KIRREL3: variants seen among roughly 807,000 people sequenced by gnomAD.
The protein encoded by KIRREL3 is kin of IRRE-like protein 3.
A neutral mutation model predicts 89.7 loss-of-function variants in KIRREL3; 36 were observed. That is an observed-to-expected ratio of 0.40 (90% CI 0.31 to 0.53). The LOEUF (loss-of-function observed/expected upper bound fraction) is 0.53, where lower values mean the gene tolerates loss of function less well. Among genes scored for constraint, KIRREL3 ranks in the 20% least tolerant of loss-of-function variants. KIRREL3 has a pLI of 0.49. For missense variants in KIRREL3, 864 were observed against 1,056.6 expected (o/e 0.82, Z 2.53); for synonymous variants, 445 against 441.4 (o/e 1.01, Z -0.10).
chr11:126,895,395 G>A (rs548358463), intron 1 of KIRREL3, among the ~76,000 whole-genome samples: 20 of 150,570 alleles, frequency 1.3e-4, no homozygotes, highest in South Asian at 6.3e-4. Context: ...CCCGGGAGGC[G>A]GAGATTCCAC....
chr11:126,710,651 C>T lies in KIRREL3; in HGVS notation c.56-147739G>A, dbSNP rs909911209. Among the ~76,000 whole-genome samples, 4 of 152,170 alleles carry T rather than the reference C, an allele frequency of 2.6e-5. No homozygotes were observed. Among genetic ancestry groups the T allele is most frequent in the African/African-American group, 9.7e-5 (4 of 41,430 alleles). ...TCAGCTGGGGACCCCTCTCATCCCA[C>T]TTGGACTCAGAGTCCCTGGTGCCCC... On this transcript the variant is annotated intron_variant, in intron 1 of 16. Coordinates refer to ENST00000525144, the MANE Select transcript of KIRREL3 (RefSeq NM_032531.4). The surrounding 1 kb of genome is among the most constrained non-coding windows in gnomAD (Gnocchi z 4.2).
rs1000479026 is a variant in KIRREL3 at position 126,663,436 on chromosome 11, C to T, written c.56-100524G>A. Among the ~76,000 whole-genome samples the T allele has an allele frequency of 3.9e-5, 6 of 152,042 alleles. No individual in the cohort carries two copies. In the East Asian group the frequency reaches 7.7e-4, roughly 20 times the overall value. ...TCCTGACCTCGTGATCCGCCTGCCT[C>T]GGCCTCCCAACGTGCTGGGATTACA... On this transcript the variant is annotated intron_variant, in intron 1 of 16. Coordinates refer to ENST00000525144, the MANE Select transcript of KIRREL3 (RefSeq NM_032531.4).
At chr11:126,586,530 C>T (rs1187808996) in intron 1 of KIRREL3, among the ~76,000 whole-genome samples, 4 of 151,904 alleles carry the variant, frequency 2.6e-5, no homozygotes, top group East Asian at 1.9e-4. Context: ...TTAGAGGCAT[C>T]GGTGTTGTTA....
intron 1 of KIRREL3, among the ~76,000 whole-genome samples, chr11:126,580,772 T>C (rs1280219379): frequency 6.6e-6 from 1 of 151,818 alleles, no homozygotes; most frequent in Non-Finnish European, 1.5e-5. Flanking sequence ...CCCTGGACTC[T>C]GTCTGTCTAA....
chr11:126,528,959 A>G lies in KIRREL3; in HGVS notation c.134-2272T>C, dbSNP rs1181087289. On this transcript the variant is annotated intron_variant, in intron 2 of 16. Coordinates refer to ENST00000525144, the MANE Select transcript of KIRREL3 (RefSeq NM_032531.4). The surrounding 1 kb of genome is among the most constrained non-coding windows in gnomAD (Gnocchi z 4.6). The stretch of plus-strand genomic sequence containing the variant: ...TCAAAATCTTTCTTACAAGAAGGAC[A>G]GAGTCAAGGCAGCTGCAGTAACTGC... Among the ~76,000 whole-genome samples, 3 of 152,226 alleles carry G rather than the reference A, an allele frequency of 2.0e-5. No individual in the cohort carries two copies. The highest frequency in any genetic ancestry group is 6.5e-5 in the Admixed American group (1 of 15,286).
In KIRREL3 at chr11:126,817,089, G is replaced by A. The variant is rs1296532856; in HGVS notation, c.55+183366C>T. On this transcript the variant is annotated intron_variant, in intron 1 of 16. Transcript: ENST00000525144. The surrounding 1 kb of genome is among the most constrained non-coding windows in gnomAD (Gnocchi z 5.7). ...GCTTGCAGGGAGAAAAATAACAAAT[G>A]AGGAAAGCCAACACTATTAAAATTA... 6.6e-6 allele frequency among the ~76,000 whole-genome samples: 1 copy of A among 152,132 alleles called. No homozygotes were observed. The highest frequency in any genetic ancestry group is 1.5e-5 in the Non-Finnish European group (1 of 68,020).
rs77658677 is a variant in KIRREL3, at chr11:126,467,063, G to A, written c.592-3756C>T. On this transcript the variant is annotated intron_variant, in intron 5 of 16. Transcript: ENST00000525144. The stretch of plus-strand genomic sequence containing the variant: ...GGCCAGGGGCAGGCATATAGATGGC[G>A]TGTGTGCAGCATGTGTCCGGGAACG... Among the ~76,000 whole-genome samples the A allele has an allele frequency of 2.4e-3, 360 of 152,342 alleles. 2 individuals carry two copies. Among genetic ancestry groups the A allele is most frequent in the African/African-American group, 8.2e-3 (343 of 41,590 alleles).
chr11:126,591,867 A>C (rs755837917), intron 1 of KIRREL3, among the ~76,000 whole-genome samples: 2 of 152,196 alleles, frequency 1.3e-5, no homozygotes, highest in Non-Finnish European at 2.9e-5. Context: ...ACTAAGCAGG[A>C]AGTCCTGGCA....
intron 1 of KIRREL3, among the ~76,000 whole-genome samples, chr11:126,598,080 G>A (rs482042): frequency 6.6e-6 from 1 of 152,068 alleles, no homozygotes; most frequent in Non-Finnish European, 1.5e-5. Flanking sequence ...ATGAGCAGGC[G>A]CAAGAATATT....
At position 126,669,534 on chromosome 11, in the gene KIRREL3, T is replaced by C. The variant is rs1230155962; in HGVS notation, c.56-106622A>G. On this transcript the variant is annotated intron_variant, in intron 1 of 16. Transcript: ENST00000525144. This position sits in a 1 kb window ranked among gnomAD's most constrained non-coding sequence, Gnocchi z 5.0. ...ATTTTTAACTTCTGGTTCGGACTAA[T>C]ACATCTTTTCCAGTGCATGGGTACA... Among the ~76,000 whole-genome samples the C allele has an allele frequency of 6.6e-6, 1 of 152,226 alleles. No homozygotes were observed. The highest frequency in any genetic ancestry group is 2.4e-5 in the African/African-American group (1 of 41,460).
In KIRREL3 at chr11:126,892,078, C is replaced by G. The variant is rs939738792; in HGVS notation, c.55+108377G>C. Among the ~76,000 whole-genome samples the G allele has an allele frequency of 6.6e-6, 1 of 152,182 alleles. No individual in the cohort carries two copies. Among genetic ancestry groups the G allele is most frequent in the Non-Finnish European group, 1.5e-5 (1 of 68,030 alleles). On this transcript the variant is annotated intron_variant, in intron 1 of 16. Transcript: ENST00000525144. This position sits in a 1 kb window ranked among gnomAD's most constrained non-coding sequence, Gnocchi z 5.4. ...ATTCTGATCCTGGCTCTATCAGTGT[C>G]TCTGTGCACCAGAGAGAGGCCACTT... is the stretch of plus-strand genomic sequence containing the variant.
At chr11:126,512,025 G>T (rs760016858) in intron 4 of KIRREL3, among the ~76,000 whole-genome samples, 1 of 152,162 alleles carries the variant, frequency 6.6e-6, no homozygotes, top group South Asian at 2.1e-4. Context: ...AAACACACAC[G>T]TGGGACTGGC....
rs568032830 is a variant in KIRREL3, at chr11:126,989,432, C to G, written c.55+11023G>C. On this transcript the variant is annotated intron_variant, in intron 1 of 16. Coordinates refer to ENST00000525144, the MANE Select transcript of KIRREL3 (RefSeq NM_032531.4). The surrounding 1 kb of genome is among the most constrained non-coding windows in gnomAD (Gnocchi z 6.2). ...GGAAGCTGCTGGGGTCTCAGCACAC[C>G]GTATAGAAAATCCCTCCAGCAACTT... is the stretch of plus-strand genomic sequence containing the variant. Among the ~76,000 whole-genome samples the G allele has an allele frequency of 2.6e-5, 4 of 152,006 alleles. No homozygotes were observed. The highest frequency in any genetic ancestry group is 9.7e-5 in the African/African-American group (4 of 41,394).
rs1349089155 is a variant in KIRREL3 at position 126,719,741 on chromosome 11, T to C, written c.56-156829A>G. Among the ~76,000 whole-genome samples, 1 of 152,146 alleles carries C rather than the reference T, an allele frequency of 6.6e-6. No homozygotes were observed. The highest frequency in any genetic ancestry group is 1.5e-5 in the Non-Finnish European group (1 of 68,036). On this transcript the variant is annotated intron_variant, in intron 1 of 16. Coordinates refer to ENST00000525144, the MANE Select transcript of KIRREL3 (RefSeq NM_032531.4). The surrounding 1 kb of genome is among the most constrained non-coding windows in gnomAD (Gnocchi z 4.7). Reference sequence around the variant, plus strand: ...TCTCTAATACTTTATCTTTCAATCTTTTATCCAGAAAATGACCACTTCTTA... The same window carrying C: ...TCTCTAATACTTTATCTTTCAATCTCTTATCCAGAAAATGACCACTTCTTA...
chr11:126,791,333 T>C lies in KIRREL3; in HGVS notation c.55+209122A>G, dbSNP rs942343706. Among the ~76,000 whole-genome samples, 7 of 152,172 alleles carry C rather than the reference T, an allele frequency of 4.6e-5. No homozygotes were observed. The highest frequency in any genetic ancestry group is 4.6e-4 in the Admixed American group (7 of 15,284). On this transcript the variant is annotated intron_variant, in intron 1 of 16. Transcript: ENST00000525144. The surrounding 1 kb of genome is among the most constrained non-coding windows in gnomAD (Gnocchi z 4.8). ...GGGCAGGTGTTATCATAATAGGACA[T>C]TCCAATTCATCGTCCCTGGCCTGGG...
chr11:126,644,803 C>T (rs2134945877), intron 1 of KIRREL3, among the ~76,000 whole-genome samples: 1 of 152,316 alleles, frequency 6.6e-6, no homozygotes. Context: ...GGTCAAAGAA[C>T]ATCTATGGAA....
At chr11:126,804,036 C>T (rs368429930) in intron 1 of KIRREL3, among the ~76,000 whole-genome samples, 1 of 152,120 alleles carries the variant, frequency 6.6e-6, no homozygotes, top group African/African-American at 2.4e-5. Context: ...TATGTGTCAT[C>T]TATGTTTGTA....
At chr11:126,878,284 G>C (rs1003046146) in intron 1 of KIRREL3, among the ~76,000 whole-genome samples, 1 of 152,148 alleles carries the variant, frequency 6.6e-6, no homozygotes, top group Non-Finnish European at 1.5e-5. Context: ...TATTAAAATA[G>C]TGTGTAGTGA....
chr11:126,716,406 T>C (rs1947964134), intron 1 of KIRREL3, among the ~76,000 whole-genome samples: 1 of 152,122 alleles, frequency 6.6e-6, no homozygotes, highest in Non-Finnish European at 1.5e-5. Flanking sequence ...GGATGGGTGC[T>C]CTGAGTTTCA....
Sources: gnomAD v4.1 joint callset for allele counts (sites outside exome capture counted in the v4.1 genomes callset) on GRCh38, gnomAD v4.1.1 for gene constraint, Gnocchi (gnomAD v3.1) non-coding constraint, MANE v1.5 for transcripts, NCBI Gene and HGNC (gene_info 2026-07-23, HGNC 2026-07-21) for gene names.